Variants in TFAP2B observed in about 807,000 individuals in gnomAD.
TFAP2B encodes transcription factor AP-2-beta.
A neutral mutation model predicts 44.3 loss-of-function variants in TFAP2B; 9 were observed. That is an observed-to-expected ratio of 0.20 (90% CI 0.12 to 0.35). The LOEUF is 0.35. TFAP2B is among the 10% of genes least tolerant of loss of function. The pLI is 1.00. For missense variants in TFAP2B, 509 were observed against 600.0 expected, an observed-to-expected ratio of 0.85 and a Z score of 1.59; for synonymous variants, 270 against 263.8, an observed-to-expected ratio of 1.02 and a Z score of -0.23.
chr6:50,819,180 T>C (rs1001084842), intron 1 of TFAP2B, among the ~76,000 whole-genome samples: 1 of 152,020 alleles, frequency 6.6e-6, no homozygotes, highest in Non-Finnish European at 1.5e-5. Context: ...ACAACTTTAA[T>C]TTAGGAATGT....
Position 50,818,906 on chromosome 6 carries a change from T to C in TFAP2B, c.15T>C (p.Pro5=). MHSP[P]RDQAAIMLWK... ...TCCTCACATGAATGCACTCACCTCC[T>C]AGAGACCAGGCTGCCATCATGCTCT... Residue 5 remains proline (P), a synonymous_variant, in exon 1 of 7, where the codon CCT becomes CCC. Coordinates refer to ENST00000393655, the MANE Select transcript of TFAP2B (RefSeq NM_003221.4). 2 of 1,614,050 alleles carry C rather than the reference T, an allele frequency of 1.2e-6. No homozygotes were observed. The highest frequency in any genetic ancestry group is 1.6e-4 in the Middle Eastern group (1 of 6,062).
intron 5 of TFAP2B, among the ~76,000 whole-genome samples, chr6:50,839,013 C>T (rs1320609946): frequency 6.6e-6 from 1 of 152,120 alleles, no homozygotes; most frequent in East Asian, 1.9e-4. Context: ...CAGTTACAGG[C>T]CTTATACTTG....
At chr6:50,835,059 A>G (rs1360887084) in intron 3 of TFAP2B, among the ~76,000 whole-genome samples, 1 of 152,218 alleles carries the variant, frequency 6.6e-6, no homozygotes, top group Non-Finnish European at 1.5e-5. Context: ...TGACATGCAG[A>G]TGACACTGAA....
intron 1 of TFAP2B, 54 bp from the exon 2 acceptor site, chr6:50,823,353 C>G: frequency 6.9e-7 from 1 of 1,456,250 alleles, no homozygotes. Flanking sequence ...GCCTCTATCT[C>G]TCTTTCTCTG....
intron 3 of TFAP2B, 29 bp downstream of exon 3, chr6:50,828,708 C>A: frequency 6.2e-7 from 1 of 1,612,706 alleles, no homozygotes; most frequent in Non-Finnish European, 8.5e-7. Context: ...AAAAAGTAAG[C>A]AAAGTTCTCT....
intron 5 of TFAP2B, among the ~76,000 whole-genome samples, chr6:50,838,822 T>A (rs1762671854): frequency 6.6e-6 from 1 of 152,198 alleles, no homozygotes; most frequent in African/African-American, 2.4e-5. Context: ...TTGTGGGAAA[T>A]AATATGAAAT....
At chr6:50,837,853 A>G (rs1431169435) in intron 4 of TFAP2B, 122 bp from the exon 5 acceptor site, 3 of 826,520 alleles carry the variant, frequency 3.6e-6, no homozygotes, top group African/African-American at 3.4e-5. Context: ...AGGAAGGGGG[A>G]AAAATGTGCT....
intron 3 of TFAP2B, chr6:50,830,282 A>C: frequency 1.0e-6 from 1 of 984,874 alleles, no homozygotes; most frequent in African/African-American, 1.7e-5. Flanking sequence ...GACCAATCAG[A>C]AATGTTATTA....
At chr6:50,833,134 C>T (rs1762548416) in intron 3 of TFAP2B, among the ~76,000 whole-genome samples, 1 of 152,194 alleles carries the variant, frequency 6.6e-6, no homozygotes, top group Non-Finnish European at 1.5e-5. Flanking sequence ...TCGCTTTAAA[C>T]CTATCTCAGT....
intron 2 of TFAP2B, among the ~76,000 whole-genome samples, chr6:50,826,980 G>T (rs995042023): frequency 2.6e-5 from 4 of 152,168 alleles, no homozygotes; most frequent in African/African-American, 9.7e-5. Flanking sequence ...AGCATGCTGC[G>T]TGAATATCCT....
At position 50,847,481 on chromosome 6, in the gene TFAP2B, T is replaced by C. The variant is rs538096465; in HGVS notation, c.*4089T>C. ...TCTGTGAATGGGTGGTTAAAAAACCTCTTGACCCTAGATAGAATCCTATCT... is the reference window on the plus strand; with the variant it reads ...TCTGTGAATGGGTGGTTAAAAAACCCCTTGACCCTAGATAGAATCCTATCT... On this transcript the variant is annotated 3_prime_UTR_variant, in exon 7 of 7. Transcript: ENST00000393655. 6.5e-6 allele frequency: 1 copy of C among 152,788 alleles called. No homozygotes were observed. The highest frequency in any genetic ancestry group is 2.4e-5 in the African/African-American group (1 of 41,592). The allele number at this position is 152,788 out of a possible 1,614,324, so 9.5% of individuals were successfully genotyped here.
chr6:50,820,396 C>CG (rs1490495993), intron 1 of TFAP2B, among the ~76,000 whole-genome samples: 6 of 152,226 alleles, frequency 3.9e-5, no homozygotes, highest in Non-Finnish European at 7.3e-5. Flanking sequence ...CTCCTGCCCC[C>CG]CCCCGAATCC....
rs764115589 is a variant in TFAP2B, at chr6:50,840,297, A to G, written c.1082A>G (p.Lys361Arg). The change falls in exon 6 of 7, where the codon AAG (lysine) becomes AGG (arginine). Residue 361 changes from lysine (K) to arginine (R), a missense_variant and splice_region_variant. By Grantham distance (26) the Lys-to-Arg change is conservative. Transcript: ENST00000393655. The stretch of plus-strand genomic sequence containing the variant: ...CGAAAGAATATGCTGTTGGCCACCA[A>G]GTGAGTTTATTAGACTCTGGGCCCT... ...HSRKNMLLATKQLCKEFTDLL... is the reference protein window; with the variant it reads ...HSRKNMLLATRQLCKEFTDLL... 6.2e-7 allele frequency: 1 copy of G among 1,613,714 alleles called. No individual in the cohort carries two copies.
In TFAP2B at chr6:50,823,393, C is replaced by T; in HGVS notation, c.82-14C>T. ...CTTCTCTGGCTCTCTTCCCCTTCCT[C>T]TCTCCGCTCCCAGGACCGGCACGAT... On this transcript the variant is annotated splice_polypyrimidine_tract_variant and intron_variant, in intron 1 of 6. Transcript: ENST00000393655. 1 of 1,571,310 alleles carries T rather than the reference C, an allele frequency of 6.4e-7. No homozygotes were observed. Among genetic ancestry groups the T allele is most frequent in the South Asian group, 1.2e-5 (1 of 86,034 alleles).
chr6:50,837,248 C>T (rs1762641456), intron 4 of TFAP2B, among the ~76,000 whole-genome samples: 2 of 152,094 alleles, frequency 1.3e-5, no homozygotes, highest in Admixed American at 1.3e-4. Flanking sequence ...AGGGTGTGAC[C>T]CAGGAACTTT....
intron 1 of TFAP2B, among the ~76,000 whole-genome samples, chr6:50,820,358 G>T (rs1308062113): frequency 1.3e-5 from 2 of 152,006 alleles, no homozygotes; most frequent in African/African-American, 4.8e-5. Context: ...TCGGACGAGC[G>T]CCCACAGGCA....
intron 6 of TFAP2B, among the ~76,000 whole-genome samples, chr6:50,842,381 A>T (rs1762750074): frequency 6.6e-6 from 1 of 152,186 alleles, no homozygotes; most frequent in South Asian, 2.1e-4. Context: ...TATCCTCCCT[A>T]GTGTCTTAAC....
chr6:50,820,241 C>T (rs1770301820), intron 1 of TFAP2B, among the ~76,000 whole-genome samples: 1 of 152,196 alleles, frequency 6.6e-6, no homozygotes, highest in Non-Finnish European at 1.5e-5. Context: ...GACACGCGAC[C>T]CCTCCGGATC....
At chr6:50,826,691 A>T (rs1263447340) in intron 2 of TFAP2B, among the ~76,000 whole-genome samples, 1 of 151,562 alleles carries the variant, frequency 6.6e-6, no homozygotes, top group Non-Finnish European at 1.5e-5. Context: ...CTAGTTTGGG[A>T]TTTGTTTAGT....
Sources: gnomAD v4.1 joint callset for allele counts (sites outside exome capture counted in the v4.1 genomes callset) on GRCh38, gnomAD v4.1.1 for gene constraint, MANE v1.5 for transcripts, NCBI Gene and HGNC (gene_info 2026-07-23, HGNC 2026-07-21) for gene names.